The following NXN variants were observed in gnomAD, a reference collection of about 807,000 sequenced individuals.
NXN encodes nucleoredoxin.
NXN carries 16 observed loss-of-function variants against 48.6 expected under a neutral mutation model. The observed-to-expected ratio is 0.33, with a 90% confidence interval of 0.22 to 0.50. NXN has a LOEUF of 0.50. Among genes scored for constraint, NXN ranks in the 20% least tolerant of loss-of-function variants. NXN has a pLI of 0.98. For synonymous variants in NXN, 281 were observed against 269.6 expected (o/e 1.04, Z -0.41); for missense variants, 492 against 605.5 (o/e 0.81, Z 1.97).
chr17:947,931 C>A (rs950200249), intron 1 of NXN, among the ~76,000 whole-genome samples: 4 of 146,606 alleles, frequency 2.7e-5, no homozygotes, highest in Admixed American at 1.4e-4. Context: ...TGCGCCTGTA[C>A]TCCCAGCTAC....
At chr17:829,422 T>A (rs1913324414) in intron 1 of NXN, among the ~76,000 whole-genome samples, 2 of 151,612 alleles carry the variant, frequency 1.3e-5, no homozygotes, top group Admixed American at 1.3e-4. Context: ...CCCAAAGTGC[T>A]GGGATTACAG....
chr17:846,031 G>A (rs1179890998), intron 1 of NXN, among the ~76,000 whole-genome samples: 2 of 151,750 alleles, frequency 1.3e-5, no homozygotes, highest in South Asian at 2.1e-4. Flanking sequence ...GCAGTGAGCC[G>A]AGATCACACC....
At position 825,997 on chromosome 17, in the gene NXN, T is replaced by C. The variant is rs745712187; in HGVS notation, c.442A>G (p.Arg148Gly). ...TCTCGGATCACCAGCAGCCCGTTCC[T>C]GCACACAACCTTCCCAGTGGTGGCG... ...LDATTGKVVC[R>G]NGLLVIRDDP... Residue 148 changes from arginine to glycine, a missense_variant, in exon 2 of 8, where the codon AGG (arginine) becomes GGG (glycine). Physicochemically the swap from Arg to Gly is moderately radical, Grantham distance 125 (BLOSUM62 -2). Transcript: ENST00000336868. The surrounding 1 kb of genome is among the most constrained non-coding windows in gnomAD (Gnocchi z 4.1). The C allele has an allele frequency of 1.9e-6, 3 of 1,613,908 alleles. No individual in the cohort carries two copies. The highest frequency in any genetic ancestry group is 2.5e-6 in the Non-Finnish European group (3 of 1,179,880).
chr17:875,416 T>A (rs937740381), intron 1 of NXN, among the ~76,000 whole-genome samples: 1 of 152,146 alleles, frequency 6.6e-6, no homozygotes, highest in East Asian at 1.9e-4. Flanking sequence ...AACAGACTCA[T>A]AGAGATAAGC....
At chr17:946,367 C>A (rs1255158116) in intron 1 of NXN, among the ~76,000 whole-genome samples, 1 of 152,176 alleles carries the variant, frequency 6.6e-6, no homozygotes, top group Non-Finnish European at 1.5e-5. Context: ...TGGGGTTTCA[C>A]CATGTTGGCC....
chr17:883,243 G>A (rs2144842287), intron 1 of NXN, among the ~76,000 whole-genome samples: 1 of 152,242 alleles, frequency 6.6e-6, no homozygotes, highest in African/African-American at 2.4e-5. Context: ...GTGTCAATCA[G>A]GCCAGTAAGG....
chr17:829,903 G>A (rs1468196639), intron 1 of NXN, among the ~76,000 whole-genome samples: 1 of 152,112 alleles, frequency 6.6e-6, no homozygotes, highest in African/African-American at 2.4e-5. Flanking sequence ...CCAAGTCTTT[G>A]CTATCGTAAA....
chr17:842,214 A>C (rs1914371672), intron 1 of NXN, among the ~76,000 whole-genome samples: 1 of 152,216 alleles, frequency 6.6e-6, no homozygotes, highest in Non-Finnish European at 1.5e-5. Flanking sequence ...CCGCCACTTC[A>C]TCAAGGAAAG....
At chr17:967,545 G>C (rs2069321441) in intron 1 of NXN, among the ~76,000 whole-genome samples, 1 of 152,220 alleles carries the variant, frequency 6.6e-6, no homozygotes, top group South Asian at 2.1e-4. Flanking sequence ...AAAAGTTCAG[G>C]AATGTGGCAA....
chr17:964,892 A>G (rs1366676266), intron 1 of NXN, among the ~76,000 whole-genome samples: 2 of 152,240 alleles, frequency 1.3e-5, no homozygotes, highest in East Asian at 3.8e-4. Context: ...CGGGCTTCGC[A>G]TCCTGTGTGT....
intron 1 of NXN, among the ~76,000 whole-genome samples, chr17:972,849 G>A (rs937260004): frequency 1.3e-5 from 2 of 152,090 alleles, no homozygotes; most frequent in Non-Finnish European, 2.9e-5. Context: ...GGCTAACACG[G>A]TGAAACCCCG....
chr17:879,888 T>C (rs1308453542), intron 1 of NXN: 1 of 152,144 alleles, frequency 6.6e-6, no homozygotes, highest in African/African-American at 2.4e-5. Flanking sequence ...AGGTACGGAA[T>C]CCAACCACAG....
At chr17:951,173 CTT>C (rs1260407558) in intron 1 of NXN, among the ~76,000 whole-genome samples, 4 of 37,530 alleles carry the variant, frequency 1.1e-4, no homozygotes, top group Admixed American at 3.9e-4. Flanking sequence ...CCTGTCTCTA[CTT>C]AAAAAAAAAA....
Position 939,890 on chromosome 17 carries a change from C to T in NXN, c.360+39429G>A, listed in dbSNP as rs80044118. On this transcript the variant is annotated intron_variant, in intron 1 of 7. Coordinates refer to ENST00000336868, the MANE Select transcript of NXN (RefSeq NM_022463.5). ...TTTGCAGGCATGAGCAACACTGTGG[C>T]GGGCCCTGCAGTGGGGCAGGGAGAG... Among the ~76,000 whole-genome samples the T allele has an allele frequency of 4.3e-4, 66 of 152,194 alleles. No individual in the cohort carries two copies. In the East Asian group the frequency reaches 0.01, roughly 24 times the overall value.
chr17:948,699 GCC>G (rs951352981), intron 1 of NXN, among the ~76,000 whole-genome samples: 3 of 151,850 alleles, frequency 2.0e-5, no homozygotes, highest in African/African-American at 7.3e-5. Flanking sequence ...CCAACGCGGG[GCC>G]TCACCCCGGC....
chr17:852,356 C>T (rs906280932), intron 1 of NXN, among the ~76,000 whole-genome samples: 8 of 152,168 alleles, frequency 5.3e-5, no homozygotes, highest in African/African-American at 1.7e-4. Context: ...CTGACCAGGA[C>T]GTGGGCCACA....
chr17:843,287 A>G (rs2144722750), intron 1 of NXN, among the ~76,000 whole-genome samples: 1 of 152,354 alleles, frequency 6.6e-6, no homozygotes, highest in South Asian at 2.1e-4. Flanking sequence ...AACACCAATT[A>G]AGGAGGTTCA....
chr17:843,064 A>AAAGAAAGAAAGAAAGC (rs1247377678), intron 1 of NXN, among the ~76,000 whole-genome samples: 2 of 138,134 alleles, frequency 1.4e-5, no homozygotes, highest in African/African-American at 5.4e-5. Context: ...AAGAAGGAAG[A>AAAGAAAGAAAGAAAGC]AAGCAAGCAA....
At chr17:853,702 C>CATATATAT (rs571601948) in intron 1 of NXN, among the ~76,000 whole-genome samples, 26 of 119,294 alleles carry the variant, frequency 2.2e-4, no homozygotes, top group South Asian at 7.8e-4. Flanking sequence ...CTGTTATACA[C>CATATATAT]ATATATATAT....
Sources: allele counts gnomAD v4.1 joint callset (sites outside exome capture counted in the v4.1 genomes callset), GRCh38; gene constraint gnomAD v4.1.1; non-coding constraint Gnocchi (gnomAD v3.1); transcripts MANE v1.5; gene names NCBI Gene and HGNC (gene_info 2026-07-23, HGNC 2026-07-21).